The following APBB2 variants were observed in gnomAD, a reference collection of about 807,000 sequenced individuals.
The protein encoded by APBB2 is Fe65-like 1.
A neutral mutation model predicts 82.5 loss-of-function variants in APBB2; 38 were observed. That is an observed-to-expected ratio of 0.46 (90% CI 0.36 to 0.60). The LOEUF is 0.60. APBB2 is among the 20% of genes least tolerant of loss of function. The pLI is 0.00. For missense variants in APBB2, 772 were observed against 972.3 expected, an observed-to-expected ratio of 0.79 and a Z score of 2.74; for synonymous variants, 341 against 368.2, an observed-to-expected ratio of 0.93 and a Z score of 0.85.
intron 2 of APBB2, among the ~76,000 whole-genome samples, chr4:41,142,386 T>C (rs1488260728): frequency 7.3e-6 from 1 of 137,576 alleles, no homozygotes; most frequent in Non-Finnish European, 1.5e-5. Flanking sequence ...TTTCAGGACA[T>C]TCTCTTCCCC....
At chr4:41,070,660 A>C (rs1326603632) in intron 3 of APBB2, among the ~76,000 whole-genome samples, 1 of 152,192 alleles carries the variant, frequency 6.6e-6, no homozygotes, top group Non-Finnish European at 1.5e-5. Flanking sequence ...AATAACTTTA[A>C]TAATAAAGCT....
chr4:40,860,435 T>C (rs551806771), intron 12 of APBB2, among the ~76,000 whole-genome samples: 1 of 152,302 alleles, frequency 6.6e-6, no homozygotes, highest in Non-Finnish European at 1.5e-5. Flanking sequence ...GACAATACTC[T>C]GTGCTATTGT....
intron 6 of APBB2, among the ~76,000 whole-genome samples, chr4:40,992,362 G>GGA (rs965394215): frequency 2.4e-4 from 1 of 4,190 alleles, no homozygotes; most frequent in South Asian, 0.013. Context: ...TGGTAGAGAT[G>GGA]GGGGGGGGTC....
At chr4:40,863,599 G>A (rs183409292) in intron 12 of APBB2, among the ~76,000 whole-genome samples, 1 of 152,266 alleles carries the variant, frequency 6.6e-6, no homozygotes, top group Non-Finnish European at 1.5e-5. Context: ...CTTGGACAAT[G>A]AAAGCCAGGG....
chr4:40,894,373 T>A (rs1156904216), intron 10 of APBB2, among the ~76,000 whole-genome samples: 2 of 151,948 alleles, frequency 1.3e-5, no homozygotes, highest in Non-Finnish European at 2.9e-5. Flanking sequence ...ATACTTCTTA[T>A]AAGGCAGTTT....
intron 6 of APBB2, among the ~76,000 whole-genome samples, chr4:40,948,254 C>T (rs1788999015): frequency 6.6e-6 from 1 of 152,126 alleles, no homozygotes. Context: ...TTTGTTTAAC[C>T]TTCATAGCCC....
chr4:41,066,710 T>C (rs555091148), intron 3 of APBB2, among the ~76,000 whole-genome samples: 28 of 152,216 alleles, frequency 1.8e-4, no homozygotes, highest in African/African-American at 6.5e-4. Flanking sequence ...TAGTCCAGAG[T>C]TGCTGGCCAC....
intron 5 of APBB2, among the ~76,000 whole-genome samples, chr4:41,024,718 G>A (rs946529979): frequency 5.3e-5 from 8 of 152,170 alleles, no homozygotes; most frequent in South Asian, 2.1e-4. Context: ...CCTGTTTTCC[G>A]GTAACTTGAG....
intron 6 of APBB2, among the ~76,000 whole-genome samples, chr4:40,962,712 G>C (rs1432895115): frequency 2.6e-5 from 4 of 151,528 alleles, no homozygotes; most frequent in African/African-American, 9.7e-5. Context: ...GAAAGAGGAG[G>C]ACAAAGAAGT....
At chr4:41,157,558 A>G (rs1469872590) in intron 1 of APBB2, among the ~76,000 whole-genome samples, 4 of 152,244 alleles carry the variant, frequency 2.6e-5, no homozygotes, top group Admixed American at 1.3e-4. Context: ...CACCCACACC[A>G]AGCCAACAGC....
At chr4:41,101,236 G>T (rs368893971) in intron 2 of APBB2, among the ~76,000 whole-genome samples, 2 of 150,976 alleles carry the variant, frequency 1.3e-5, no homozygotes, top group African/African-American at 4.9e-5. Flanking sequence ...AGGCCGAGGC[G>T]GGTGGATCAT....
chr4:40,899,488 CAG>C (rs1225623210), intron 10 of APBB2, among the ~76,000 whole-genome samples: 5 of 152,162 alleles, frequency 3.3e-5, no homozygotes, highest in Non-Finnish European at 5.9e-5. Flanking sequence ...GAGCAGAACA[CAG>C]AGCAAAGCCT....
At chr4:40,892,905 C>T (rs1772452315) in intron 11 of APBB2, 1 of 180,108 alleles carries the variant, frequency 5.6e-6, no homozygotes. Flanking sequence ...GTGGAAGTCA[C>T]CTTCCCCTTT....
rs1553930075 is a variant in APBB2, at chr4:40,832,013, T to TACACACAC, written c.1530-1444_1530-1437dup. Reference sequence around the variant, plus strand: ...ACACATATTTATATATTTATTTATATACACACACACACACACACACACACA... The same window carrying TACACACAC: ...ACACATATTTATATATTTATTTATATACACACACACACACACACACACACACACACACA... On this transcript the variant is annotated intron_variant, in intron 12 of 17. Transcript: ENST00000508593. This position sits in a 1 kb window ranked among gnomAD's most constrained non-coding sequence, Gnocchi z 4.8. Among the ~76,000 whole-genome samples the TACACACAC allele has an allele frequency of 0.047, 6,486 of 138,826 alleles. 180 individuals carry two copies. The highest frequency in any genetic ancestry group is 0.064 in the African/African-American group (2,388 of 37,074). The allele number at this position is 138,826 out of a possible 152,430, so 91.1% of individuals were successfully genotyped here. A position where few individuals can be genotyped will look rare whatever the true frequency, so the allele number is the denominator to read the frequency against.
intron 1 of APBB2, among the ~76,000 whole-genome samples, chr4:41,178,450 T>C (rs1450480635): frequency 6.6e-6 from 1 of 152,172 alleles, no homozygotes; most frequent in East Asian, 1.9e-4. Context: ...TATGTAATTC[T>C]CTATTTGAGT....
chr4:41,006,244 G>A (rs538626248), intron 6 of APBB2, among the ~76,000 whole-genome samples: 3 of 151,970 alleles, frequency 2.0e-5, no homozygotes, highest in Admixed American at 1.3e-4. Context: ...AATCTTACTC[G>A]GAAAACACAC....
intron 12 of APBB2, among the ~76,000 whole-genome samples, chr4:40,852,644 CT>C (rs549084774): frequency 5.2e-4 from 76 of 145,932 alleles, no homozygotes; most frequent in African/African-American, 6.5e-4. Context: ...AAGTCAAAGT[CT>C]TTTTTTTTTT....
At chr4:40,824,441 T>C (rs1333737503) in intron 15 of APBB2, among the ~76,000 whole-genome samples, 1 of 152,152 alleles carries the variant, frequency 6.6e-6, no homozygotes. Context: ...TCACGTAAAG[T>C]GTGCAATCCA....
chr4:41,069,309 C>G (rs1296688665), intron 3 of APBB2, among the ~76,000 whole-genome samples: 1 of 152,174 alleles, frequency 6.6e-6, no homozygotes, highest in Non-Finnish European at 1.5e-5. Flanking sequence ...GAACGCTTTT[C>G]CATCTAGGGT....
Sources: allele counts gnomAD v4.1 joint callset (sites outside exome capture counted in the v4.1 genomes callset), GRCh38; gene constraint gnomAD v4.1.1; non-coding constraint Gnocchi (gnomAD v3.1); transcripts MANE v1.5; gene names NCBI Gene and HGNC (gene_info 2026-07-23, HGNC 2026-07-21).